The following NAA16 variants were observed in gnomAD, a reference collection of about 807,000 sequenced individuals.
The protein encoded by NAA16 is N-alpha-acetyltransferase 16, NatA auxiliary subunit.
Under a neutral mutation model 110.3 loss-of-function variants are expected in NAA16, and 97 were observed. The observed-to-expected ratio is 0.88, with a 90% confidence interval of 0.75 to 1.04. NAA16 has a LOEUF of 1.04. NAA16 is among the 50% of genes least tolerant of loss of function. The pLI is 0.00. For missense variants in NAA16, 1,017 were observed against 1,005.1 expected (o/e 1.01, Z -0.16); for synonymous variants, 372 against 330.6 (o/e 1.13, Z -1.36).
rs1028355372 is a variant in NAA16, at chr13:41,322,445, A to G, written c.403-611A>G. Among the ~76,000 whole-genome samples, 9 of 152,278 alleles carry G rather than the reference A, an allele frequency of 5.9e-5. 1 individual carries two copies. In the South Asian group the frequency reaches 1.7e-3, roughly 28 times the overall value. Reference sequence around the variant, plus strand: ...GGGGTGGAGGAGAAAATCATTAAAGATTAGAAAATCTTGGGATTTAGAGGA... The same window carrying G: ...GGGGTGGAGGAGAAAATCATTAAAGGTTAGAAAATCTTGGGATTTAGAGGA... On this transcript the variant is annotated intron_variant, in intron 4 of 19. Coordinates refer to ENST00000379406, the MANE Select transcript of NAA16 (RefSeq NM_024561.5).
chr13:41,318,255 G>A (rs1020549133), intron 2 of NAA16, among the ~76,000 whole-genome samples: 2 of 151,660 alleles, frequency 1.3e-5, no homozygotes, highest in Admixed American at 6.6e-5. Flanking sequence ...GCCCAGGCTG[G>A]AGTACAGTGG....
At chr13:41,358,265 C>T in intron 10 of NAA16, 39 bp from the exon 11 acceptor site, 1 of 1,531,720 alleles carries the variant, frequency 6.5e-7, no homozygotes, top group Non-Finnish European at 9.0e-7. Flanking sequence ...ATTTGCTTTA[C>T]ATTCTTTCTA....
At chr13:41,311,775 G>C (rs962242802) in intron 1 of NAA16, among the ~76,000 whole-genome samples, 193 bp downstream of exon 1, 3 of 152,182 alleles carry the variant, frequency 2.0e-5, no homozygotes, top group African/African-American at 7.2e-5. Flanking sequence ...CCGCTCCTCC[G>C]TGCGCTTCCT....
intron 9 of NAA16, among the ~76,000 whole-genome samples, chr13:41,343,469 G>A (rs1019355508): frequency 1.3e-5 from 2 of 152,074 alleles, no homozygotes; most frequent in African/African-American, 4.8e-5. Context: ...TGCAGCTGTA[G>A]TCATTTTGAC....
chr13:41,321,426 C>T (rs767184069), intron 4 of NAA16, among the ~76,000 whole-genome samples: 2 of 152,160 alleles, frequency 1.3e-5, no homozygotes, highest in Non-Finnish European at 2.9e-5. Context: ...ATCTTCCCAC[C>T]TCACCCTCCC....
chr13:41,348,952 C>G (rs1337742107), intron 9 of NAA16, among the ~76,000 whole-genome samples: 1 of 152,092 alleles, frequency 6.6e-6, no homozygotes. Flanking sequence ...TCTGTTATTT[C>G]TATAAAGTCA....
In NAA16 at chr13:41,320,795, A is replaced by T; in HGVS notation, c.373A>T (p.Ile125Phe). The change falls in exon 4 of 20, where the codon ATC (isoleucine) becomes TTC (phenylalanine). Residue 125 changes from isoleucine to phenylalanine, a missense_variant. Physicochemically the swap from Ile to Phe is conservative, Grantham distance 21. Transcript: ENST00000379406. ...QILRDLSLLQ[I>F]QMRDLEGYRE... ...TTTGAGGGATCTCTCACTGTTGCAG[A>T]TCCAAATGAGAGACCTTGAAGGTTA... is the stretch of plus-strand genomic sequence containing the variant. The T allele has an allele frequency of 6.2e-7, 1 of 1,611,184 alleles. No individual in the cohort carries two copies. The highest frequency in any genetic ancestry group is 8.5e-7 in the Non-Finnish European group (1 of 1,179,264).
chr13:41,324,490 C>T (rs1368230419), intron 5 of NAA16, among the ~76,000 whole-genome samples: 1 of 147,522 alleles, frequency 6.8e-6, no homozygotes, highest in Non-Finnish European at 1.5e-5. Flanking sequence ...ATTACCCTGC[C>T]TCAGCTTCCC....
In NAA16 at chr13:41,373,626, T is replaced by G; in HGVS notation, c.2156-11T>G. On this transcript the variant is annotated splice_polypyrimidine_tract_variant and intron_variant, in intron 17 of 19. Coordinates refer to ENST00000379406, the MANE Select transcript of NAA16 (RefSeq NM_024561.5). The stretch of plus-strand genomic sequence containing the variant: ...CAAAAACAAAAAATCCAAATGTTTT[T>G]GTTTTTATAGTGTCTAATCATAGTA... 6.4e-7 allele frequency: 1 copy of G among 1,564,290 alleles called. No homozygotes were observed. Among genetic ancestry groups the G allele is most frequent in the Non-Finnish European group, 8.6e-7 (1 of 1,164,020 alleles).
chr13:41,311,667 G>C (rs892932584), intron 1 of NAA16, 85 bp downstream of exon 1: 1 of 1,329,648 alleles, frequency 7.5e-7, no homozygotes, highest in Non-Finnish European at 1.0e-6. Context: ...CGGCCGGCGC[G>C]GGCCAGGCTT....
chr13:41,375,247 C>T (rs1465866063), intron 19 of NAA16, among the ~76,000 whole-genome samples, 158 bp from the exon 20 acceptor site: 1 of 151,990 alleles, frequency 6.6e-6, no homozygotes, highest in Non-Finnish European at 1.5e-5. Flanking sequence ...TTTTAATGTG[C>T]CTTTTTTGAG....
intron 2 of NAA16, among the ~76,000 whole-genome samples, chr13:41,317,542 GA>G (rs1313341597): frequency 2.0e-5 from 3 of 152,170 alleles, no homozygotes; most frequent in Non-Finnish European, 4.4e-5. Context: ...AGCTGGTTGA[GA>G]TTACTCAGTA....
At chr13:41,372,077 C>T in intron 15 of NAA16, 126 bp from the exon 16 acceptor site, 1 of 777,256 alleles carries the variant, frequency 1.3e-6, no homozygotes, top group Non-Finnish European at 1.8e-6. Flanking sequence ...TAAATGTTTT[C>T]TTGTTATTTG....
At chr13:41,329,186 A>G (rs559976435) in intron 7 of NAA16, among the ~76,000 whole-genome samples, 2 of 152,152 alleles carry the variant, frequency 1.3e-5, no homozygotes, top group African/African-American at 2.4e-5. Flanking sequence ...TGTTGTAACT[A>G]TTTAATATTT....
intron 7 of NAA16, among the ~76,000 whole-genome samples, chr13:41,329,935 T>C (rs1006858300): frequency 2.6e-5 from 4 of 152,032 alleles, no homozygotes; most frequent in African/African-American, 9.6e-5. Flanking sequence ...AGGTAACTTA[T>C]GACCTTTCCT....
intron 9 of NAA16, among the ~76,000 whole-genome samples, chr13:41,339,681 C>T (rs1428684537): frequency 6.6e-6 from 1 of 152,118 alleles, no homozygotes; most frequent in East Asian, 1.9e-4. Flanking sequence ...CCTCAGTCTC[C>T]CAAGTAGCTT....
chr13:41,357,994 C>T (rs1352105598), intron 10 of NAA16, among the ~76,000 whole-genome samples: 4 of 152,086 alleles, frequency 2.6e-5, no homozygotes, highest in African/African-American at 9.7e-5. Context: ...TTTTCCTGGT[C>T]TTGCTGCCCT....
chr13:41,330,538 T>C (rs551196297), intron 7 of NAA16, among the ~76,000 whole-genome samples: 1 of 152,090 alleles, frequency 6.6e-6, no homozygotes, highest in Non-Finnish European at 1.5e-5. Context: ...AATTATCTTA[T>C]TGCTTATAAA....
intron 19 of NAA16, 21 bp downstream of exon 19, chr13:41,374,860 T>C (rs764631014): frequency 1.6e-5 from 23 of 1,428,638 alleles, no homozygotes; most frequent in Non-Finnish European, 2.1e-5. Flanking sequence ...TTTCTTTGGC[T>C]GATTTATGCT....
Sources: allele counts gnomAD v4.1 joint callset (sites outside exome capture counted in the v4.1 genomes callset), GRCh38; gene constraint gnomAD v4.1.1; transcripts MANE v1.5; gene names NCBI Gene and HGNC (gene_info 2026-07-23, HGNC 2026-07-21).